The following ARHGAP6 variants were observed in gnomAD, a reference collection of about 807,000 sequenced individuals.
The protein encoded by ARHGAP6 is Rho GTPase activating protein 6, also known as rho GTPase-activating protein 6.
In ARHGAP6, 16 loss-of-function variants were observed where a neutral mutation model predicts 55.7. The observed-to-expected ratio is 0.29, with a 90% CI of 0.19 to 0.44. ARHGAP6 has a LOEUF of 0.44. ARHGAP6 is among the 20% of genes least tolerant of loss of function. ARHGAP6 has a pLI of 1.00. For missense variants in ARHGAP6, 698 were observed against 808.9 expected, an observed-to-expected ratio of 0.86 and a Z score of 1.66; for synonymous variants, 382 against 360.9, an observed-to-expected ratio of 1.06 and a Z score of -0.66.
At chrX:11,633,569 G>C (rs141149223) in intron 1 of ARHGAP6, among the ~76,000 whole-genome samples, 106 of 111,805 alleles carry the variant, frequency 9.5e-4, no homozygotes, top group Admixed American at 1.8e-3. Flanking sequence ...GCCTGTTGGA[G>C]TTCAATCAAC....
intron 1 of ARHGAP6, among the ~76,000 whole-genome samples, chrX:11,331,297 C>T (rs1256648863): frequency 9.0e-6 from 1 of 111,609 alleles, no homozygotes; most frequent in Middle Eastern, 4.2e-3. Context: ...GTTTCCCCTA[C>T]TCAGTCCATT....
At chrX:11,495,516 T>C (rs1299316931) in intron 1 of ARHGAP6, among the ~76,000 whole-genome samples, 3 of 112,024 alleles carry the variant, frequency 2.7e-5, no homozygotes, top group African/African-American at 9.7e-5. Context: ...CTGTAGCCTA[T>C]CTACATGGAG....
chrX:11,198,088 TA>T, intron 2 of ARHGAP6, among the ~76,000 whole-genome samples: 1 of 112,021 alleles, frequency 8.9e-6, no homozygotes, highest in East Asian at 2.8e-4. Context: ...GAGTAAGCAT[TA>T]TGAAACAGAA....
chrX:11,164,725 G>C (rs1434483643), intron 9 of ARHGAP6, among the ~76,000 whole-genome samples: 1 of 111,916 alleles, frequency 8.9e-6, no homozygotes, highest in Non-Finnish European at 1.9e-5. Context: ...CTTTTCATCA[G>C]CTTACAAGGG....
At chrX:11,187,473 C>A (rs955085113) in intron 4 of ARHGAP6, among the ~76,000 whole-genome samples, 1 of 111,913 alleles carries the variant, frequency 8.9e-6, no homozygotes, top group Non-Finnish European at 1.9e-5. Context: ...TATTGTTGTA[C>A]GACAATACAC....
intron 3 of ARHGAP6, among the ~76,000 whole-genome samples, chrX:11,190,839 A>G (rs929869855): frequency 7.2e-5 from 8 of 111,820 alleles, no homozygotes; most frequent in African/African-American, 2.6e-4. Flanking sequence ...GATCTTCCCC[A>G]CCAGCAAATA....
intron 1 of ARHGAP6, among the ~76,000 whole-genome samples, chrX:11,364,115 T>A (rs1210326228): frequency 1.8e-5 from 2 of 111,348 alleles, no homozygotes; most frequent in Admixed American, 1.9e-4. Context: ...GAAAACCATA[T>A]ACTGCATGTT....
At chrX:11,527,622 A>G (rs955067257) in intron 1 of ARHGAP6, among the ~76,000 whole-genome samples, 3 of 112,101 alleles carry the variant, frequency 2.7e-5, no homozygotes, top group African/African-American at 9.7e-5. Context: ...AAAAAATAAA[A>G]AGAAAAGAAA....
chrX:11,567,566 A>AAATATATATATATATATAT (rs1440758737), intron 1 of ARHGAP6, among the ~76,000 whole-genome samples: 2 of 84,403 alleles, frequency 2.4e-5, no homozygotes, highest in African/African-American at 9.5e-5. Context: ...AAAAAAAAAA[A>AAATATATATATATATATAT]ATATATATAT....
intron 1 of ARHGAP6, among the ~76,000 whole-genome samples, chrX:11,638,385 A>G: frequency 8.9e-6 from 1 of 112,123 alleles, no homozygotes; most frequent in Non-Finnish European, 1.9e-5. Flanking sequence ...TGAAGCTTGA[A>G]ATAGTGTTCA....
chrX:11,466,591 A>G (rs1222911813), intron 1 of ARHGAP6, among the ~76,000 whole-genome samples: 1 of 111,354 alleles, frequency 9.0e-6, no homozygotes, highest in African/African-American at 3.3e-5. Flanking sequence ...TGTAACCCCA[A>G]ACTCCTGGAC....
chrX:11,415,413 CAT>C (rs1222640093), intron 1 of ARHGAP6, among the ~76,000 whole-genome samples: 1 of 112,085 alleles, frequency 8.9e-6, no homozygotes, highest in East Asian at 2.8e-4. Flanking sequence ...GTCATGATGA[CAT>C]AGATATTGAC....
At chrX:11,290,189 A>T (rs1056743309) in intron 1 of ARHGAP6, among the ~76,000 whole-genome samples, 1 of 111,806 alleles carries the variant, frequency 8.9e-6, no homozygotes, top group African/African-American at 3.3e-5. Context: ...TGAATTATCC[A>T]TCTTAGCTAT....
intron 1 of ARHGAP6, among the ~76,000 whole-genome samples, chrX:11,285,219 G>A (rs1368808778): frequency 9.7e-6 from 1 of 102,665 alleles, no homozygotes; most frequent in Non-Finnish European, 2.0e-5. Context: ...CAGCCGATCT[G>A]TGAGACCCAA....
chrX:11,263,690 C>A (rs1796477272), intron 1 of ARHGAP6, among the ~76,000 whole-genome samples: 1 of 111,159 alleles, frequency 9.0e-6, no homozygotes, highest in Non-Finnish European at 1.9e-5. Context: ...GCAGCCCAGG[C>A]AGAGACTGGT....
intron 1 of ARHGAP6, among the ~76,000 whole-genome samples, chrX:11,337,987 C>A (rs946092511): frequency 9.0e-6 from 1 of 111,341 alleles, no homozygotes; most frequent in Non-Finnish European, 1.9e-5. Flanking sequence ...TCCTGGCTTT[C>A]TAGCAACCCA....
intron 1 of ARHGAP6, among the ~76,000 whole-genome samples, chrX:11,617,763 G>C (rs758268352): frequency 9.0e-6 from 1 of 111,541 alleles, no homozygotes; most frequent in South Asian, 3.8e-4. Flanking sequence ...AGAGTCAGGG[G>C]CTGGAAGGGG....
chrX:11,470,259 C>A (rs2050334850), intron 1 of ARHGAP6, among the ~76,000 whole-genome samples: 1 of 112,105 alleles, frequency 8.9e-6, no homozygotes, highest in African/African-American at 3.2e-5. Context: ...CATTTCCTCA[C>A]AGGTCCTTTT....
intron 9 of ARHGAP6, among the ~76,000 whole-genome samples, chrX:11,161,685 G>GA (rs1243018725): frequency 8.9e-6 from 1 of 112,134 alleles, no homozygotes; most frequent in Admixed American, 9.4e-5. Context: ...TTAAACACTT[G>GA]AAAAAATAAA....
Sources: allele counts gnomAD v4.1 joint callset (sites outside exome capture counted in the v4.1 genomes callset), GRCh38; gene constraint gnomAD v4.1.1; transcripts MANE v1.5; gene names NCBI Gene and HGNC (gene_info 2026-07-23, HGNC 2026-07-21).